The following CDYL variants were observed in gnomAD, a reference collection of about 807,000 sequenced individuals.
CDYL encodes chromodomain Y-like protein.
Under a neutral mutation model 47.3 loss-of-function variants are expected in CDYL, and 8 were observed. The observed-to-expected ratio is 0.17, with a 90% CI of 0.10 to 0.31. CDYL has a LOEUF of 0.31. Ranked by LOEUF, CDYL falls within the 10% of genes least tolerant of loss-of-function variation. CDYL has a pLI of 1.00. For missense variants in CDYL, 471 were observed against 701.4 expected (o/e 0.67, Z 3.71); for synonymous variants, 266 against 265.0 (o/e 1.00, Z -0.04).
chr6:4,939,555 T>G (rs1302103009), intron 4 of CDYL, among the ~76,000 whole-genome samples: 8 of 152,246 alleles, frequency 5.3e-5, no homozygotes, highest in Non-Finnish European at 1.5e-5. Flanking sequence ...ACATTATGTG[T>G]GGTTTTTTTC....
chr6:4,903,630 A>T (rs1405683665), intron 2 of CDYL, among the ~76,000 whole-genome samples: 2 of 152,134 alleles, frequency 1.3e-5, no homozygotes, highest in Non-Finnish European at 2.9e-5. Context: ...CTTTCTCACC[A>T]GCAGTCTCTG....
chr6:4,912,508 A>C (rs1185632371), intron 2 of CDYL, among the ~76,000 whole-genome samples: 1 of 152,274 alleles, frequency 6.6e-6, no homozygotes, highest in African/African-American at 2.4e-5. Context: ...CTTTGTAGCC[A>C]GGGTAAGAAG....
At chr6:4,946,427 T>C (rs1424137378) in intron 5 of CDYL, among the ~76,000 whole-genome samples, 1 of 152,190 alleles carries the variant, frequency 6.6e-6, no homozygotes, top group Admixed American at 6.5e-5. Context: ...CTTTGAGGCC[T>C]GCTGGATGAG....
chr6:4,718,122 C>T (rs560267282), intron 2 of CDYL, among the ~76,000 whole-genome samples: 18 of 152,198 alleles, frequency 1.2e-4, no homozygotes, highest in East Asian at 1.9e-4. Context: ...TAGGTGTGAG[C>T]CACTAGACCA....
At chr6:4,891,450 A>G (rs1399417244) in intron 1 of CDYL, among the ~76,000 whole-genome samples, 1 of 152,164 alleles carries the variant, frequency 6.6e-6, no homozygotes, top group African/African-American at 2.4e-5. Context: ...AATAGCAGAG[A>G]GCCCCTTTCA....
At chr6:4,870,595 G>C (rs766468470) in intron 1 of CDYL, among the ~76,000 whole-genome samples, 1 of 151,874 alleles carries the variant, frequency 6.6e-6, no homozygotes. Flanking sequence ...TGCTTTTTCT[G>C]TTCCTTCTCT....
intron 1 of CDYL, among the ~76,000 whole-genome samples, chr6:4,860,236 C>G (rs969526419): frequency 6.6e-6 from 1 of 152,034 alleles, no homozygotes; most frequent in African/African-American, 2.4e-5. Flanking sequence ...TTTATACTTC[C>G]AGCAAAAGAA....
intron 2 of CDYL, among the ~76,000 whole-genome samples, chr6:4,718,204 G>A (rs141890405): frequency 1.3e-3 from 194 of 152,060 alleles, no homozygotes; most frequent in Non-Finnish European, 2.1e-3. Flanking sequence ...CCATAGACCA[G>A]GAAATAATTT....
chr6:4,727,434 G>A (rs1757534119), intron 2 of CDYL, among the ~76,000 whole-genome samples: 1 of 152,090 alleles, frequency 6.6e-6, no homozygotes, highest in Non-Finnish European at 1.5e-5. Context: ...ACAGGCTCAA[G>A]CCCATCTGTT....
chr6:4,847,322 G>C (rs912834313), intron 1 of CDYL, among the ~76,000 whole-genome samples: 20 of 152,150 alleles, frequency 1.3e-4, no homozygotes, highest in African/African-American at 4.8e-4. Flanking sequence ...GCTGTTGTAG[G>C]TCCCCAGTGT....
intron 3 of CDYL, among the ~76,000 whole-genome samples, chr6:4,764,391 A>T (rs112809856): frequency 0.013 from 2,026 of 152,106 alleles, 38 homozygotes; most frequent in African/African-American, 0.045. Flanking sequence ...CCAGGTTCAA[A>T]AGATTCTCCT....
chr6:4,830,657 G>A (rs947538334), intron 1 of CDYL, among the ~76,000 whole-genome samples: 1 of 151,332 alleles, frequency 6.6e-6, no homozygotes, highest in Non-Finnish European at 1.5e-5. Flanking sequence ...CAATGTGCAG[G>A]TTAGTGACAT....
At chr6:4,898,138 C>T (rs1762340815) in intron 2 of CDYL, among the ~76,000 whole-genome samples, 1 of 152,044 alleles carries the variant, frequency 6.6e-6, no homozygotes, top group South Asian at 2.1e-4. Context: ...GGGAGGATTG[C>T]TTGAGCCCAG....
At chr6:4,871,069 G>T (rs1227968155) in intron 1 of CDYL, among the ~76,000 whole-genome samples, 1 of 152,088 alleles carries the variant, frequency 6.6e-6, no homozygotes. Context: ...TTTAAGTTTT[G>T]TTGTTTTATG....
intron 2 of CDYL, among the ~76,000 whole-genome samples, chr6:4,924,777 C>T (rs1757818724): frequency 1.3e-5 from 2 of 152,100 alleles, no homozygotes; most frequent in Non-Finnish European, 2.9e-5. Flanking sequence ...TATATGTGAT[C>T]CTAAAAATCG....
chr6:4,760,249 C>T (rs1758154050), intron 3 of CDYL, among the ~76,000 whole-genome samples: 1 of 151,964 alleles, frequency 6.6e-6, no homozygotes, highest in African/African-American at 2.4e-5. Context: ...TTGTTGCTGA[C>T]TCCCTGTATC....
intron 1 of CDYL, among the ~76,000 whole-genome samples, chr6:4,784,526 C>T (rs146519095): frequency 6.6e-6 from 1 of 152,150 alleles, no homozygotes; most frequent in African/African-American, 2.4e-5. Flanking sequence ...CAGTAGTTTT[C>T]AAGAGGACTG....
intron 5 of CDYL, among the ~76,000 whole-genome samples, chr6:4,949,420 C>T (rs1274963244): frequency 6.6e-6 from 1 of 152,248 alleles, no homozygotes; most frequent in Non-Finnish European, 1.5e-5. Context: ...CCTGGATCCC[C>T]TCTGCTCATA....
chr6:4,720,546 T>C (rs1205160121), intron 2 of CDYL, among the ~76,000 whole-genome samples: 1 of 152,166 alleles, frequency 6.6e-6, no homozygotes, highest in Non-Finnish European at 1.5e-5. Flanking sequence ...CCATAGAAAA[T>C]GTAAAGATAC....
Sources: gnomAD v4.1 joint callset for allele counts (sites outside exome capture counted in the v4.1 genomes callset) on GRCh38, gnomAD v4.1.1 for gene constraint, MANE v1.5 for transcripts, NCBI Gene and HGNC (gene_info 2026-07-23, HGNC 2026-07-21) for gene names.